PRR16: variants seen among roughly 807,000 people sequenced by gnomAD.
PRR16 encodes the protein protein Largen.
Under a neutral mutation model 18.2 loss-of-function variants are expected in PRR16, and 6 were observed. The observed-to-expected ratio is 0.33, with a 90% confidence interval of 0.18 to 0.65. The LOEUF is 0.65. Among genes scored for constraint, PRR16 ranks in the 30% least tolerant of loss-of-function variants. PRR16 has a pLI of 0.74. For missense variants in PRR16, 412 were observed against 376.6 expected (o/e 1.09, Z -0.78); for synonymous variants, 151 against 147.8 (o/e 1.02, Z -0.16).
chr5:120,493,546 T>G (rs1355163201), intron 1 of PRR16, among the ~76,000 whole-genome samples: 1 of 152,140 alleles, frequency 6.6e-6, no homozygotes, highest in African/African-American at 2.4e-5. Context: ...TTACCCAATT[T>G]CCTCCAGTGG....
At chr5:120,564,807 A>C (rs1338474675) in intron 1 of PRR16, among the ~76,000 whole-genome samples, 1 of 152,002 alleles carries the variant, frequency 6.6e-6, no homozygotes, top group Non-Finnish European at 1.5e-5. Context: ...TAAAATGGTG[A>C]AACCCCATCT....
the PRR16 span, among the ~76,000 whole-genome samples, chr5:120,771,785 T>G: frequency 0.27 from 41,487 of 151,754 alleles, 6,014 homozygotes; most frequent in Non-Finnish European, 0.32. Context: ...TATTTGTTAG[T>G]ATATTTTATA....
chr5:120,782,687 G>A, the PRR16 span, among the ~76,000 whole-genome samples: 4 of 152,230 alleles, frequency 2.6e-5, no homozygotes, highest in East Asian at 7.8e-4. Flanking sequence ...TACATCTAGA[G>A]AGACTGGATG....
chr5:120,745,559 C>T, the PRR16 span, among the ~76,000 whole-genome samples: 2 of 149,218 alleles, frequency 1.3e-5, no homozygotes, highest in Non-Finnish European at 3.0e-5. Context: ...ACAAAAACAA[C>T]AACAACAACA....
the PRR16 span, among the ~76,000 whole-genome samples, chr5:120,784,896 C>G: frequency 6.6e-6 from 1 of 152,184 alleles, no homozygotes; most frequent in African/African-American, 2.4e-5. Flanking sequence ...ATGGCACCAT[C>G]CTAATGGTTC....
At chr5:120,717,333 T>C in the PRR16 span, among the ~76,000 whole-genome samples, 29,409 of 152,080 alleles carry the variant, frequency 0.19, 3,466 homozygotes, top group Non-Finnish European at 0.26. Context: ...TGAAAGGAAA[T>C]TTTATAGTTG....
intron 1 of PRR16, among the ~76,000 whole-genome samples, chr5:120,551,703 A>T (rs953352575): frequency 6.6e-6 from 1 of 152,006 alleles, no homozygotes; most frequent in Non-Finnish European, 1.5e-5. Context: ...TATGATGAAC[A>T]TGCTGAAGAG....
chr5:120,541,500 C>G (rs1561538147), intron 1 of PRR16, among the ~76,000 whole-genome samples: 1 of 152,148 alleles, frequency 6.6e-6, no homozygotes, highest in South Asian at 2.1e-4. Flanking sequence ...TGTGTCATTT[C>G]TCGTCACAAG....
intron 1 of PRR16, among the ~76,000 whole-genome samples, chr5:120,670,203 C>T (rs1756550571): frequency 6.6e-6 from 1 of 152,078 alleles, no homozygotes; most frequent in Non-Finnish European, 1.5e-5. Context: ...TTGCCTTTCT[C>T]AGTACCACAT....
chr5:120,541,767 T>TA (rs1194764241), intron 1 of PRR16, among the ~76,000 whole-genome samples: 1 of 152,172 alleles, frequency 6.6e-6, no homozygotes, highest in Non-Finnish European at 1.5e-5. Flanking sequence ...TTCCTGCCAG[T>TA]ATAACTGGGG....
chr5:120,768,651 C>T, the PRR16 span, among the ~76,000 whole-genome samples: 1 of 151,662 alleles, frequency 6.6e-6, no homozygotes, highest in East Asian at 1.9e-4. Context: ...CAAAGGTTTG[C>T]AGAATTATTT....
At chr5:120,501,979 A>AAAAG (rs1561519879) in intron 1 of PRR16, among the ~76,000 whole-genome samples, 4 of 149,926 alleles carry the variant, frequency 2.7e-5, no homozygotes, top group African/African-American at 7.3e-5. Flanking sequence ...AAAAAAAAAA[A>AAAAG]AAAGAAAGAA....
chr5:120,789,503 TTA>T, the PRR16 span, among the ~76,000 whole-genome samples: 1 of 152,152 alleles, frequency 6.6e-6, no homozygotes, highest in Non-Finnish European at 1.5e-5. Context: ...GGTAATAAGT[TTA>T]AACTGTATAG....
At chr5:120,562,721 A>G (rs1752614345) in intron 1 of PRR16, among the ~76,000 whole-genome samples, 1 of 152,108 alleles carries the variant, frequency 6.6e-6, no homozygotes, top group Non-Finnish European at 1.5e-5. Flanking sequence ...ACTCATGGCA[A>G]CTTTTCACTG....
the PRR16 span, among the ~76,000 whole-genome samples, chr5:120,787,900 C>G: frequency 6.6e-6 from 1 of 152,010 alleles, no homozygotes; most frequent in African/African-American, 2.4e-5. Context: ...TGTCCTCTGT[C>G]AAGCTCTTCA....
At chr5:120,514,378 A>T (rs1432299707) in intron 1 of PRR16, among the ~76,000 whole-genome samples, 3 of 152,018 alleles carry the variant, frequency 2.0e-5, no homozygotes, top group African/African-American at 7.3e-5. Flanking sequence ...TCCCCTTAGT[A>T]TTCTCTCCTG....
intron 1 of PRR16, among the ~76,000 whole-genome samples, chr5:120,514,451 G>A (rs1750923908): frequency 6.6e-6 from 1 of 152,048 alleles, no homozygotes; most frequent in Admixed American, 6.5e-5. Flanking sequence ...TTTCCATTCT[G>A]CTTCCTTTTT....
chr5:120,766,921 T>C, the PRR16 span, among the ~76,000 whole-genome samples: 1 of 151,894 alleles, frequency 6.6e-6, no homozygotes, highest in Non-Finnish European at 1.5e-5. Context: ...CTGTTTTATC[T>C]CCTCCTCAGT....
At chr5:120,563,758 T>G (rs1341707548) in intron 1 of PRR16, among the ~76,000 whole-genome samples, 2 of 151,740 alleles carry the variant, frequency 1.3e-5, no homozygotes, top group Non-Finnish European at 2.9e-5. Flanking sequence ...TATCTGATAT[T>G]TATCTGTCTA....
Sources: gnomAD v4.1 joint callset for allele counts (sites outside exome capture counted in the v4.1 genomes callset) on GRCh38, gnomAD v4.1.1 for gene constraint, MANE v1.5 for transcripts, NCBI Gene and HGNC (gene_info 2026-07-23, HGNC 2026-07-21) for gene names.